STXBP4: variants seen among roughly 807,000 people sequenced by gnomAD.
STXBP4 encodes syntaxin binding protein 4.
A neutral mutation model predicts 76.1 loss-of-function variants in STXBP4; 55 were observed. The observed-to-expected ratio is 0.72, with a 90% confidence interval of 0.58 to 0.91. The LOEUF is 0.91. Among genes scored for constraint, STXBP4 ranks in the 40% least tolerant of loss-of-function variants. The pLI, the probability that STXBP4 is intolerant of heterozygous loss-of-function variation, is 0.00. For synonymous variants in STXBP4, 201 were observed against 220.2 expected, an observed-to-expected ratio of 0.91 and a Z score of 0.77; for missense variants, 618 against 636.9, an observed-to-expected ratio of 0.97 and a Z score of 0.32.
At chr17:55,050,091 C>G (rs1431844878) in intron 12 of STXBP4, among the ~76,000 whole-genome samples, 3 of 151,936 alleles carry the variant, frequency 2.0e-5, no homozygotes, top group African/African-American at 7.2e-5. Context: ...AGGCATATGA[C>G]TTGGAAAAGA....
chr17:55,180,218 C>T, the STXBP4 span, among the ~76,000 whole-genome samples: 4 of 152,128 alleles, frequency 2.6e-5, no homozygotes, highest in South Asian at 2.1e-4. Flanking sequence ...ATGATAAGAC[C>T]GTCGTAAATG....
In STXBP4 at chr17:55,166,751, A is replaced by C. The variant is rs1017874808; in HGVS notation, c.*6840A>C. The C allele has an allele frequency of 6.6e-6, 1 of 152,202 alleles. No homozygotes were observed. The highest frequency in any genetic ancestry group is 1.5e-5 in the Non-Finnish European group (1 of 68,076). The allele number at this position is 152,202 out of a possible 1,614,324, so 9.4% of individuals were successfully genotyped here. On this transcript the variant is annotated 3_prime_UTR_variant, in exon 18 of 18. Coordinates refer to ENST00000376352, the MANE Select transcript of STXBP4 (RefSeq NM_178509.6). ...GTGGTAGAGCAAGAACTTCCACCTC[A>C]AGAGAGTTGCTGGCCTGTTTGTCCG... is the stretch of plus-strand genomic sequence containing the variant.
chr17:55,097,890 A>G (rs1004045618), intron 16 of STXBP4, among the ~76,000 whole-genome samples: 1 of 152,114 alleles, frequency 6.6e-6, no homozygotes, highest in Non-Finnish European at 1.5e-5. Context: ...ATCTATGAAG[A>G]TGGAGATATC....
Position 55,168,417 on chromosome 17 carries a change from T to A in STXBP4, c.*8506T>A, listed in dbSNP as rs1251459230. The A allele has an allele frequency of 6.6e-6, 1 of 152,228 alleles. No homozygotes were observed. Among genetic ancestry groups the A allele is most frequent in the Non-Finnish European group, 1.5e-5 (1 of 68,032 alleles). The allele number at this position is 152,228 out of a possible 1,614,324, so 9.4% of individuals were successfully genotyped here. ...TTACCTTAGTTTTTCCAATTAAGACTGTTCATTGATTGTATTTCTTCTGTC... is the reference window on the plus strand; with the variant it reads ...TTACCTTAGTTTTTCCAATTAAGACAGTTCATTGATTGTATTTCTTCTGTC... On this transcript the variant is annotated 3_prime_UTR_variant, in exon 18 of 18. Coordinates refer to ENST00000376352, the MANE Select transcript of STXBP4 (RefSeq NM_178509.6).
intron 12 of STXBP4, among the ~76,000 whole-genome samples, chr17:55,054,633 T>C (rs938187853): frequency 5.9e-5 from 9 of 152,182 alleles, no homozygotes; most frequent in African/African-American, 2.2e-4. Context: ...CCTTTATGGG[T>C]CTCAGCTTCC....
At chr17:55,018,414 A>T (rs926360874) in intron 8 of STXBP4, among the ~76,000 whole-genome samples, 1 of 152,164 alleles carries the variant, frequency 6.6e-6, no homozygotes, top group African/African-American at 2.4e-5. Flanking sequence ...CATAACAAAC[A>T]CAGACCAGAA....
chr17:55,008,665 G>A (rs538155764), intron 8 of STXBP4, among the ~76,000 whole-genome samples: 1 of 152,076 alleles, frequency 6.6e-6, no homozygotes, highest in Non-Finnish European at 1.5e-5. Context: ...TAATAAACTG[G>A]GGGGAGCATA....
intron 16 of STXBP4, among the ~76,000 whole-genome samples, chr17:55,110,775 A>G (rs989521204): frequency 6.6e-6 from 1 of 152,192 alleles, no homozygotes; most frequent in East Asian, 1.9e-4. Flanking sequence ...GATTTGGCCC[A>G]TGGCTATAGT....
chr17:55,213,219 G>A, the STXBP4 span, among the ~76,000 whole-genome samples: 1 of 152,138 alleles, frequency 6.6e-6, no homozygotes, highest in Non-Finnish European at 1.5e-5. Context: ...GGCAGCACAA[G>A]AAGACTTGAA....
rs541295296 is a variant in STXBP4, at chr17:55,133,649, G to A, written c.1490-7661G>A. ...GAGAAGATACTAGCAAATGAGCAGA[G>A]AAGAAACAGCCAGTGACAGAGGAGA... On this transcript the variant is annotated intron_variant, in intron 16 of 17. Transcript: ENST00000376352. 1.1e-4 allele frequency among the ~76,000 whole-genome samples: 16 copies of A among 152,304 alleles called. 1 individual carries two copies. The South Asian group carries it at 3.3e-3, about 32-fold the overall frequency.
chr17:55,110,193 C>T (rs532635307), intron 16 of STXBP4, among the ~76,000 whole-genome samples: 2 of 147,916 alleles, frequency 1.4e-5, no homozygotes, highest in South Asian at 4.1e-4. Context: ...CTGACACTGA[C>T]TCTTCTTCTA....
At chr17:55,208,235 C>T in the STXBP4 span, among the ~76,000 whole-genome samples, 4 of 151,900 alleles carry the variant, frequency 2.6e-5, no homozygotes, top group South Asian at 4.2e-4. Flanking sequence ...GCAATTTAAT[C>T]TTTCATAGCA....
intron 10 of STXBP4, among the ~76,000 whole-genome samples, chr17:55,037,317 A>T (rs1369936121): frequency 1.3e-5 from 2 of 152,196 alleles, no homozygotes; most frequent in Non-Finnish European, 2.9e-5. Context: ...ATGGTTGGGT[A>T]GTTTACAACA....
At chr17:55,100,315 T>C (rs2079548868) in intron 16 of STXBP4, among the ~76,000 whole-genome samples, 2 of 152,226 alleles carry the variant, frequency 1.3e-5, no homozygotes, top group South Asian at 2.1e-4. Flanking sequence ...TTTATTATCA[T>C]GTTTAGAGAC....
At chr17:55,101,874 A>G (rs2145020247) in intron 16 of STXBP4, among the ~76,000 whole-genome samples, 1 of 152,338 alleles carries the variant, frequency 6.6e-6, no homozygotes, top group East Asian at 1.9e-4. Flanking sequence ...AGTAAATGCC[A>G]AAAGCTTGTC....
At chr17:54,990,291 C>T (rs907208494) in intron 3 of STXBP4, among the ~76,000 whole-genome samples, 7 of 78,448 alleles carry the variant, frequency 8.9e-5, no homozygotes, top group African/African-American at 2.3e-4. Flanking sequence ...AGGAATCAGG[C>T]GACACAGCAG....
At chr17:54,992,469 T>G (rs992549118) in intron 4 of STXBP4, among the ~76,000 whole-genome samples, 3 of 151,638 alleles carry the variant, frequency 2.0e-5, no homozygotes, top group African/African-American at 7.3e-5. Flanking sequence ...TTTTTGGCTA[T>G]TAAATTTAAA....
intron 14 of STXBP4, 113 bp downstream of exon 14, chr17:55,078,307 G>A: frequency 1.5e-6 from 1 of 677,458 alleles, no homozygotes; most frequent in Non-Finnish European, 2.5e-6. Flanking sequence ...TCTCAAAGCA[G>A]CAATGCTGGC....
chr17:54,979,455 C>A (rs2077518381), intron 1 of STXBP4, among the ~76,000 whole-genome samples: 1 of 152,102 alleles, frequency 6.6e-6, no homozygotes, highest in Admixed American at 6.6e-5. Flanking sequence ...CTCCTTTATG[C>A]CCCTGGAAAA....
Sources: gnomAD v4.1 joint callset for allele counts (sites outside exome capture counted in the v4.1 genomes callset) on GRCh38, gnomAD v4.1.1 for gene constraint, MANE v1.5 for transcripts, NCBI Gene and HGNC (gene_info 2026-07-23, HGNC 2026-07-21) for gene names.